ITGA2: variants seen among roughly 807,000 people sequenced by gnomAD.
ITGA2 encodes the protein integrin alpha-2.
ITGA2 carries 101 observed loss-of-function variants against 146.3 expected under a neutral mutation model. The observed-to-expected ratio is 0.69, with a 90% CI of 0.59 to 0.81. ITGA2 has a LOEUF of 0.81. Ranked by LOEUF, ITGA2 falls within the 40% of genes least tolerant of loss-of-function variation. The probability of loss-of-function intolerance (pLI) is 0.00; values close to 1 mark genes in which losing one functional copy is unlikely to be tolerated. For synonymous variants in ITGA2, 477 were observed against 487.1 expected (o/e 0.98, Z 0.27); for missense variants, 1,281 against 1,402.7 (o/e 0.91, Z 1.39).
intron 4 of ITGA2, among the ~76,000 whole-genome samples, chr5:53,046,549 G>T (rs1374960393): frequency 6.6e-6 from 1 of 151,636 alleles, no homozygotes; most frequent in African/African-American, 2.4e-5. Flanking sequence ...TTTAAAAAAA[G>T]AACATACTGA....
intron 2 of ITGA2, among the ~76,000 whole-genome samples, chr5:53,037,818 T>C: frequency 6.6e-6 from 1 of 152,206 alleles, no homozygotes. Context: ...CTTCAAGAGT[T>C]ACCAAAGTGG....
intron 1 of ITGA2, among the ~76,000 whole-genome samples, chr5:53,022,726 C>A (rs1371310721): frequency 6.6e-6 from 1 of 152,080 alleles, no homozygotes; most frequent in South Asian, 2.1e-4. Flanking sequence ...ACCACCATGC[C>A]CACCTAATTG....
chr5:53,089,802 T>C, intron 28 of ITGA2, 144 bp from the exon 29 acceptor site: 2 of 705,236 alleles, frequency 2.8e-6, no homozygotes, highest in Middle Eastern at 2.4e-4. Flanking sequence ...ATTCTGACAA[T>C]GTTTGAGATA....
At chr5:53,059,540 G>A (rs888693754) in intron 10 of ITGA2, among the ~76,000 whole-genome samples, 1 of 151,994 alleles carries the variant, frequency 6.6e-6, no homozygotes, top group South Asian at 2.1e-4. Flanking sequence ...TGACTCCTTT[G>A]TAAAGTTCAT....
In ITGA2 at chr5:53,081,573, G is replaced by A. The variant is rs201875828; in HGVS notation, c.3040-19G>A. 1.6e-4 allele frequency: 250 copies of A among 1,563,430 alleles called. 1 individual carries two copies. In the East Asian group the frequency reaches 5.2e-3, roughly 32 times the overall value. ...ACTGTTTTGCTTCTGAAGTCTGATC[G>A]GGTGTTCTTCTTTTATAGGCTGGTG... is the stretch of plus-strand genomic sequence containing the variant. On this transcript the variant is annotated intron_variant, in intron 25 of 29. Transcript: ENST00000296585.
At chr5:53,013,335 C>T (rs1385461369) in intron 1 of ITGA2, among the ~76,000 whole-genome samples, 1 of 151,230 alleles carries the variant, frequency 6.6e-6, no homozygotes, top group Non-Finnish European at 1.5e-5. Context: ...GTTATCCCAA[C>T]ACCATTTAGT....
At chr5:53,072,809 T>C in intron 19 of ITGA2, 114 bp downstream of exon 19, 1 of 903,210 alleles carries the variant, frequency 1.1e-6, no homozygotes, top group Non-Finnish European at 1.7e-6. Flanking sequence ...TCATAACTCA[T>C]AAATACCTTT....
chr5:53,091,714 C>A lies in ITGA2; in HGVS notation c.*1115C>A, dbSNP rs1166757318. 2 of 152,254 alleles carry A rather than the reference C, an allele frequency of 1.3e-5. No homozygotes were observed. Among genetic ancestry groups the A allele is most frequent in the Non-Finnish European group, 2.9e-5 (2 of 68,050 alleles). 9.4% of individuals were successfully genotyped at this position (152,254 alleles called of 1,614,324 possible). The stretch of plus-strand genomic sequence containing the variant: ...GGGAAAGTCATCTGTTTAATTTACA[C>A]ACTTGCATGAATTACTGTATATAAA... On this transcript the variant is annotated 3_prime_UTR_variant, in exon 30 of 30. Transcript: ENST00000296585.
chr5:53,078,935 T>C, intron 24 of ITGA2, 61 bp downstream of exon 24: 1 of 942,482 alleles, frequency 1.1e-6, no homozygotes, highest in Non-Finnish European at 1.7e-6. Context: ...AAAAAATGAG[T>C]CTGGAAATAA....
At chr5:53,028,237 TCC>T (rs1278980249) in intron 2 of ITGA2, among the ~76,000 whole-genome samples, 1 of 152,164 alleles carries the variant, frequency 6.6e-6, no homozygotes, top group Non-Finnish European at 1.5e-5. Context: ...AATGAAATCA[TCC>T]CCTGAGAGGG....
chr5:52,999,681 T>C (rs574589835), intron 1 of ITGA2, among the ~76,000 whole-genome samples: 1 of 152,266 alleles, frequency 6.6e-6, no homozygotes, highest in South Asian at 2.1e-4. Context: ...TCAGAAAGCC[T>C]GTTCTTTGTC....
rs192933062 is a variant in ITGA2 at position 53,052,918 on chromosome 5, A to G, written c.779+1359A>G. On this transcript the variant is annotated intron_variant, in intron 7 of 29. Coordinates refer to ENST00000296585, the MANE Select transcript of ITGA2 (RefSeq NM_002203.4). ...ATCTCATTGCTATGTTGTCAGCCCT[A>G]CACTCTCTCCCAAAACTCACACTGG... 4.6e-3 allele frequency among the ~76,000 whole-genome samples: 700 copies of G among 152,212 alleles called. 3 individuals carry two copies. Among genetic ancestry groups the G allele is most frequent in the Non-Finnish European group, 6.2e-3 (423 of 67,990 alleles).
At chr5:53,054,604 T>C (rs542822592) in intron 7 of ITGA2, among the ~76,000 whole-genome samples, 17 of 152,260 alleles carry the variant, frequency 1.1e-4, no homozygotes, top group African/African-American at 4.1e-4. Context: ...CCAGTCTTCC[T>C]TCATATGGTC....
intron 1 of ITGA2, among the ~76,000 whole-genome samples, chr5:53,015,586 T>C (rs1742364895): frequency 6.6e-6 from 1 of 152,146 alleles, no homozygotes; most frequent in South Asian, 2.1e-4. Context: ...GTGTAGAAAG[T>C]TCTTAGATGT....
Position 53,090,591 on chromosome 5 carries a change from A to AG in ITGA2, c.3539dup (p.Ser1180ArgfsTer2). ...TGAGATTGATGAGACCACAGAGCTC[A>AG]GTAGCTGAACCAGCAGACCTACCTG... On this transcript the variant is annotated frameshift_variant, in exon 30 of 30. Transcript: ENST00000296585. LOFTEE classifies it high-confidence loss of function. 1 of 1,613,976 alleles carries AG rather than the reference A, an allele frequency of 6.2e-7. No homozygotes were observed. The highest frequency in any genetic ancestry group is 8.5e-7 in the Non-Finnish European group (1 of 1,179,852).
chr5:53,087,063 C>G, intron 28 of ITGA2, 22 bp downstream of exon 28: 1 of 1,552,348 alleles, frequency 6.4e-7, no homozygotes. Flanking sequence ...ACACCCTTCC[C>G]TGTGAGCCTC....
At chr5:53,067,642 A>G (rs975618267) in intron 16 of ITGA2, among the ~76,000 whole-genome samples, 2 of 151,968 alleles carry the variant, frequency 1.3e-5, no homozygotes, top group African/African-American at 4.8e-5. Context: ...GGACAGGTTC[A>G]GTAAAAGTAT....
chr5:53,049,243 C>T (rs3212491), intron 6 of ITGA2, among the ~76,000 whole-genome samples: 16,632 of 152,098 alleles, frequency 0.11, 1,096 homozygotes, highest in African/African-American at 0.18. Flanking sequence ...AACTCCTGAC[C>T]TCAGGTGATC....
At chr5:53,087,099 T>C in intron 28 of ITGA2, 58 bp downstream of exon 28, 3 of 1,198,252 alleles carry the variant, frequency 2.5e-6, no homozygotes, top group South Asian at 2.4e-5. Context: ...ATTCCACTTC[T>C]AAAAGCCTGG....
Sources: gnomAD v4.1 joint callset for allele counts (sites outside exome capture counted in the v4.1 genomes callset) on GRCh38, gnomAD v4.1.1 for gene constraint, MANE v1.5 for transcripts, NCBI Gene and HGNC (gene_info 2026-07-23, HGNC 2026-07-21) for gene names.